Variants in AGBL4 observed in about 807,000 individuals in gnomAD.
The protein encoded by AGBL4 is AGBL carboxypeptidase 4.
Under a neutral mutation model 66.4 loss-of-function variants are expected in AGBL4, and 58 were observed. The ratio of observed to expected loss-of-function variants is 0.87; its 90% CI spans 0.71 to 1.09. The LOEUF (loss-of-function observed/expected upper bound fraction) is 1.09, where lower values mean the gene tolerates loss of function less well. AGBL4 is among the 50% of genes least tolerant of loss of function. The probability of loss-of-function intolerance (pLI) is 0.00; values close to 1 mark genes in which losing one functional copy is unlikely to be tolerated. For missense variants in AGBL4, 579 were observed against 631.0 expected (o/e 0.92, Z 0.88); for synonymous variants, 234 against 222.9 (o/e 1.05, Z -0.44).
At chr1:49,863,672 T>C (rs1273468421) in intron 1 of AGBL4, among the ~76,000 whole-genome samples, 2 of 152,174 alleles carry the variant, frequency 1.3e-5, no homozygotes, top group East Asian at 1.9e-4. Flanking sequence ...CAAACAGGCA[T>C]ATGAAAAGGT....
At chr1:48,742,875 TA>T in intron 6 of AGBL4, 1 of 1,231,426 alleles carries the variant, frequency 8.1e-7, no homozygotes, top group Non-Finnish European at 1.1e-6. Flanking sequence ...AAAAATTTGC[TA>T]GCTTATTTTT....
intron 3 of AGBL4, among the ~76,000 whole-genome samples, chr1:49,537,006 C>T (rs1237195165): frequency 7.7e-6 from 1 of 130,368 alleles, no homozygotes; most frequent in African/African-American, 2.8e-5. Context: ...GACTCCATCT[C>T]AAAAAAAAAA....
intron 11 of AGBL4, among the ~76,000 whole-genome samples, chr1:48,552,453 T>C (rs1349735471): frequency 6.6e-6 from 1 of 152,238 alleles, no homozygotes; most frequent in Non-Finnish European, 1.5e-5. Flanking sequence ...ATACAGAACA[T>C]TCACACTGGC....
chr1:49,450,139 C>A (rs1646246978), intron 3 of AGBL4, among the ~76,000 whole-genome samples: 1 of 152,012 alleles, frequency 6.6e-6, no homozygotes, highest in African/African-American at 2.4e-5. Context: ...TGGCTAGAAA[C>A]CCCTTCTCAA....
At chr1:49,013,262 G>A (rs1406426831) in intron 5 of AGBL4, among the ~76,000 whole-genome samples, 1 of 152,118 alleles carries the variant, frequency 6.6e-6, no homozygotes, top group South Asian at 2.1e-4. Flanking sequence ...TGGTATCCTG[G>A]GGGTGTCCAG....
chr1:48,719,361 C>T (rs1396024687), intron 6 of AGBL4, among the ~76,000 whole-genome samples: 3 of 150,138 alleles, frequency 2.0e-5, no homozygotes, highest in Admixed American at 6.7e-5. Context: ...CCTGGCAGTG[C>T]CAGCACTTAA....
intron 5 of AGBL4, among the ~76,000 whole-genome samples, chr1:49,042,354 G>C (rs1643965501): frequency 6.6e-6 from 1 of 152,130 alleles, no homozygotes; most frequent in African/African-American, 2.4e-5. Flanking sequence ...TTTCATGTTA[G>C]AGCTGAAAGC....
chr1:50,006,874 T>C (rs896059713), intron 1 of AGBL4, among the ~76,000 whole-genome samples: 4 of 152,158 alleles, frequency 2.6e-5, no homozygotes, highest in African/African-American at 4.8e-5. Context: ...GAAGAAATCA[T>C]TGGAACATAC....
chr1:49,934,156 A>G (rs1653677587), intron 1 of AGBL4, among the ~76,000 whole-genome samples: 1 of 152,216 alleles, frequency 6.6e-6, no homozygotes, highest in African/African-American at 2.4e-5. Context: ...GCTATTAAAT[A>G]TAGAAAGCAA....
At chr1:49,408,496 A>C in intron 3 of AGBL4, among the ~76,000 whole-genome samples, 1 of 152,224 alleles carries the variant, frequency 6.6e-6, no homozygotes. Flanking sequence ...AAAGGAGATT[A>C]ACATTTGAGT....
At chr1:49,848,005 CATA>C (rs1271484002) in intron 2 of AGBL4, among the ~76,000 whole-genome samples, 2 of 151,694 alleles carry the variant, frequency 1.3e-5, no homozygotes, top group Non-Finnish European at 2.9e-5. Flanking sequence ...CTGGCCCAAA[CATA>C]TTTTTAAAAT....
intron 11 of AGBL4, among the ~76,000 whole-genome samples, chr1:48,541,232 T>C (rs1644062919): frequency 6.6e-6 from 1 of 152,216 alleles, no homozygotes; most frequent in African/African-American, 2.4e-5. Flanking sequence ...GTCACTCTAC[T>C]GGGTAAGTCT....
intron 3 of AGBL4, among the ~76,000 whole-genome samples, chr1:49,507,162 A>AG (rs1570904192): frequency 6.6e-6 from 1 of 152,178 alleles, no homozygotes; most frequent in East Asian, 1.9e-4. Context: ...ATTAAGAGGG[A>AG]GAAACCCAGA....
intron 6 of AGBL4, among the ~76,000 whole-genome samples, chr1:48,827,995 TACAC>T (rs375257744): frequency 0.12 from 13,772 of 116,804 alleles, 814 homozygotes; most frequent in African/African-American, 0.17. Context: ...CTACTAAAAA[TACAC>T]ACACACACAC....
At chr1:49,245,700 G>T in intron 4 of AGBL4, 70 bp downstream of exon 4, 1 of 1,044,270 alleles carries the variant, frequency 9.6e-7, no homozygotes, top group Non-Finnish European at 1.4e-6. Context: ...CCATTAGTAG[G>T]TGTGTATATG....
chr1:49,466,212 T>C (rs1209858154), intron 3 of AGBL4, among the ~76,000 whole-genome samples: 1 of 151,924 alleles, frequency 6.6e-6, no homozygotes, highest in African/African-American at 2.4e-5. Context: ...CTTCATCCTT[T>C]CCAATCTATG....
At chr1:48,797,058 T>G (rs972392603) in intron 6 of AGBL4, among the ~76,000 whole-genome samples, 2 of 152,174 alleles carry the variant, frequency 1.3e-5, no homozygotes, top group Non-Finnish European at 2.9e-5. Context: ...GAAGGACCCT[T>G]AAAGGCAATA....
At chr1:49,270,271 C>T (rs944103878) in intron 3 of AGBL4, among the ~76,000 whole-genome samples, 2 of 152,108 alleles carry the variant, frequency 1.3e-5, no homozygotes, top group Non-Finnish European at 2.9e-5. Context: ...GATTCTCTCT[C>T]ATCTTGTTTT....
At chr1:49,540,966 G>A (rs1047492396) in intron 3 of AGBL4, among the ~76,000 whole-genome samples, 4 of 152,048 alleles carry the variant, frequency 2.6e-5, no homozygotes, top group African/African-American at 9.7e-5. Flanking sequence ...GAAGAAATAG[G>A]CTTGGAGAAA....
Sources: gnomAD v4.1 joint callset for allele counts (sites outside exome capture counted in the v4.1 genomes callset) on GRCh38, gnomAD v4.1.1 for gene constraint, MANE v1.5 for transcripts, NCBI Gene and HGNC (gene_info 2026-07-23, HGNC 2026-07-21) for gene names.